Variants in HDAC4 observed in about 807,000 individuals in gnomAD.
The protein encoded by HDAC4 is histone deacetylase A.
A neutral mutation model predicts 135.1 loss-of-function variants in HDAC4; 16 were observed. The observed-to-expected ratio is 0.12, with a 90% CI of 0.08 to 0.18. The LOEUF (loss-of-function observed/expected upper bound fraction) is 0.18. Ranked by LOEUF, HDAC4 falls within the 10% of genes least tolerant of loss-of-function variation. HDAC4 has a pLI of 1.00. For missense variants in HDAC4, 1,143 were observed against 1,511.8 expected (o/e 0.76, Z 4.05); for synonymous variants, 685 against 653.4 (o/e 1.05, Z -0.74).
Position 239,053,132 on chromosome 2 carries a change from C to T in HDAC4, c.3235G>A (p.Asp1079Asn). The change falls in exon 27 of 27, where the codon GAT becomes AAT. Residue 1079 changes from aspartate to asparagine, a missense_variant. Asp to Asn is a conservative substitution (Grantham distance 23). This residue lies in a region of HDAC4 where 131 missense variants were observed against 130.6 expected (regional missense o/e 1.00). Transcript: ENST00000543185. ...GGCTCCTCTTCCATGGGCTCCTCAT[C>T]TGGTCTGTGGATCCCGCAAGAGAAG... ...VGVKPAEKRP[D>N]EEPMEEEPPL is the part of the protein sequence containing the mutation. The T allele has an allele frequency of 6.2e-7, 1 of 1,614,214 alleles. No individual in the cohort carries two copies. The highest frequency in any genetic ancestry group is 8.5e-7 in the Non-Finnish European group (1 of 1,180,028).
chr2:239,301,154 G>T (rs375065511), intron 2 of HDAC4, among the ~76,000 whole-genome samples: 1 of 152,320 alleles, frequency 6.6e-6, no homozygotes, highest in Admixed American at 6.5e-5. Flanking sequence ...CCCTCATGGA[G>T]CCAGCCGGGC....
In HDAC4 at chr2:239,245,008, A is replaced by C. The variant is rs2153198183; in HGVS notation, c.23-8344T>G. Among the ~76,000 whole-genome samples the C allele has an allele frequency of 6.6e-6, 1 of 152,354 alleles. No individual in the cohort carries two copies. The highest frequency in any genetic ancestry group is 2.1e-4 in the South Asian group (1 of 4,832). On this transcript the variant is annotated intron_variant, in intron 2 of 26. Transcript: ENST00000543185. This position sits in a 1 kb window ranked among gnomAD's most constrained non-coding sequence, Gnocchi z 4.4. ...ACCAAAGTTCCATAACAGTGCTTGC[A>C]TCTGCCCATTAATAGAAATTAAACT...
At chr2:239,160,078 G>A (rs190011988) in intron 6 of HDAC4, among the ~76,000 whole-genome samples, 2 of 152,348 alleles carry the variant, frequency 1.3e-5, no homozygotes, top group East Asian at 3.9e-4. Context: ...ATACAACGAG[G>A]AACCACATAC....
intron 3 of HDAC4, among the ~76,000 whole-genome samples, chr2:239,192,657 A>T (rs1182105115): frequency 1.3e-5 from 2 of 152,172 alleles, no homozygotes; most frequent in Admixed American, 6.5e-5. Flanking sequence ...AGTCTCGTGA[A>T]TGACTGTCAG....
chr2:239,120,416 GAC>G (rs765059562), intron 12 of HDAC4, among the ~76,000 whole-genome samples: 1 of 133,060 alleles, frequency 7.5e-6, no homozygotes, highest in African/African-American at 2.7e-5. Context: ...CACACACACA[GAC>G]ACAGACAGAT....
intron 2 of HDAC4, among the ~76,000 whole-genome samples, chr2:239,290,489 C>T (rs569396974): frequency 3.0e-4 from 46 of 152,260 alleles, no homozygotes; most frequent in Admixed American, 2.5e-3. Flanking sequence ...TCTTCCATAT[C>T]ACCCCAAGAG....
intron 12 of HDAC4, among the ~76,000 whole-genome samples, chr2:239,121,474 T>C (rs1317820099): frequency 6.6e-6 from 1 of 152,138 alleles, no homozygotes; most frequent in Non-Finnish European, 1.5e-5. Flanking sequence ...TCAGGAGACC[T>C]CCCCACTGTT....
At chr2:239,325,778 A>C (rs1261284498) in intron 2 of HDAC4, among the ~76,000 whole-genome samples, 1 of 152,050 alleles carries the variant, frequency 6.6e-6, no homozygotes, top group Non-Finnish European at 1.5e-5. Flanking sequence ...CAGCCTGGTC[A>C]ACATGGCAAA....
At chr2:239,096,768 C>T (rs918165264) in intron 16 of HDAC4, among the ~76,000 whole-genome samples, 2 of 150,048 alleles carry the variant, frequency 1.3e-5, no homozygotes, top group African/African-American at 2.5e-5. Context: ...CCCACAGACA[C>T]CCACATGTCC....
intron 2 of HDAC4, among the ~76,000 whole-genome samples, chr2:239,348,278 G>GTCCCAGCAAATCCACA (rs1692863627): frequency 6.6e-6 from 1 of 151,060 alleles, no homozygotes; most frequent in African/African-American, 2.5e-5. Flanking sequence ...CCACAGACAC[G>GTCCCAGCAAATCCACA]TCCCAGCAAA....
intron 19 of HDAC4, among the ~76,000 whole-genome samples, chr2:239,086,330 G>A (rs1205000212): frequency 7.2e-6 from 1 of 139,014 alleles, no homozygotes; most frequent in African/African-American, 2.6e-5. Flanking sequence ...ACGCGGATCT[G>A]ACTATCTCGC....
At chr2:239,107,577 C>T (rs1043235972) in intron 15 of HDAC4, among the ~76,000 whole-genome samples, 9 of 152,314 alleles carry the variant, frequency 5.9e-5, no homozygotes, top group African/African-American at 1.2e-4. Context: ...CCTGTGTTCT[C>T]GAAGAAGCTT....
At chr2:239,081,815 A>T (rs1190188412) in intron 21 of HDAC4, among the ~76,000 whole-genome samples, 4 of 152,180 alleles carry the variant, frequency 2.6e-5, no homozygotes, top group Admixed American at 2.0e-4. Context: ...TGCCCGGAGG[A>T]AAACGGGCAC....
At chr2:239,220,294 T>C (rs1194292532) in intron 3 of HDAC4, among the ~76,000 whole-genome samples, 1 of 152,218 alleles carries the variant, frequency 6.6e-6, no homozygotes, top group Non-Finnish European at 1.5e-5. Context: ...ATTGTAGGAA[T>C]TGCCTAAAAT....
At position 239,309,601 on chromosome 2, in the gene HDAC4, G is replaced by A. The variant is rs949983719; in HGVS notation, c.22+43077C>T. Among the ~76,000 whole-genome samples the A allele has an allele frequency of 1.1e-4, 17 of 152,238 alleles. No homozygotes were observed. Among genetic ancestry groups the A allele is most frequent in the Non-Finnish European group, 1.6e-4 (11 of 68,044 alleles). The stretch of plus-strand genomic sequence containing the variant: ...GGCGGGAGGCTCTGGCCTTGCAGGC[G>A]TGCAGGAGCCCCTGCCAGTGAGGGC... On this transcript the variant is annotated intron_variant, in intron 2 of 26. Transcript: ENST00000543185. This position sits in a 1 kb window ranked among gnomAD's most constrained non-coding sequence, Gnocchi z 4.2.
intron 11 of HDAC4, among the ~76,000 whole-genome samples, chr2:239,131,060 T>C (rs986220706): frequency 6.6e-6 from 1 of 152,198 alleles, no homozygotes; most frequent in African/African-American, 2.4e-5. Flanking sequence ...TCTGCAAAGA[T>C]CTGAGTCCAC....
At position 239,070,772 on chromosome 2, in the gene HDAC4, G is replaced by T. The variant is rs555624232; in HGVS notation, c.2751-2165C>A. 1.8e-3 allele frequency among the ~76,000 whole-genome samples: 277 copies of T among 152,300 alleles called. 1 individual carries two copies. Among genetic ancestry groups the T allele is most frequent in the Middle Eastern group, 3.4e-3 (1 of 294 alleles). On this transcript the variant is annotated intron_variant, in intron 22 of 26. Transcript: ENST00000543185. The stretch of plus-strand genomic sequence containing the variant: ...TTTAAAAAGGGGCTTCAAAAAGTTC[G>T]TGGAAAAATTGAATTAAAAGATAAA...
intron 2 of HDAC4, among the ~76,000 whole-genome samples, chr2:239,280,842 C>G (rs938421465): frequency 4.2e-5 from 6 of 142,364 alleles, no homozygotes; most frequent in African/African-American, 6.1e-5. Flanking sequence ...ACACACCACT[C>G]TCCACACAAT....
intron 2 of HDAC4, among the ~76,000 whole-genome samples, chr2:239,346,002 ACTCACT>A (rs895418964): frequency 4.2e-5 from 6 of 144,034 alleles, no homozygotes; most frequent in African/African-American, 1.6e-4. Context: ...ACACACTTGC[ACTCACT>A]CTCACACACA....
Sources: allele counts gnomAD v4.1 joint callset (sites outside exome capture counted in the v4.1 genomes callset), GRCh38; gene constraint gnomAD v4.1.1; regional missense constraint gnomAD v4.1.1; non-coding constraint Gnocchi (gnomAD v3.1); transcripts MANE v1.5; gene names NCBI Gene and HGNC (gene_info 2026-07-23, HGNC 2026-07-21).